Variants in C11orf16 observed in about 807,000 individuals in gnomAD.
The protein encoded by C11orf16 is uncharacterized protein C11orf16.
In C11orf16, 38 loss-of-function variants were observed where a neutral mutation model predicts 45.1. The ratio of observed to expected loss-of-function variants is 0.84; its 90% confidence interval spans 0.65 to 1.10. C11orf16 has a LOEUF of 1.10. C11orf16 is among the 50% of genes least tolerant of loss of function. The pLI is 0.00. For missense variants in C11orf16, 583 were observed against 569.5 expected (o/e 1.02, Z -0.24); for synonymous variants, 221 against 222.0 (o/e 1.00, Z 0.04).
chr11:8,926,805 C>G (rs1012673934), intron 4 of C11orf16, 135 bp downstream of exon 4: 1 of 637,742 alleles, frequency 1.6e-6, no homozygotes, highest in African/African-American at 1.8e-5. Flanking sequence ...GATTAAGCAG[C>G]AAGCAAGGGG....
chr11:8,929,991 G>A (rs1167456487), intron 2 of C11orf16, among the ~76,000 whole-genome samples: 1 of 152,018 alleles, frequency 6.6e-6, no homozygotes, highest in Non-Finnish European at 1.5e-5. Context: ...GTGGTGGTGT[G>A]AGCCTGTGAT....
chr11:8,929,814 C>G (rs773972920), intron 2 of C11orf16, among the ~76,000 whole-genome samples: 18 of 152,176 alleles, frequency 1.2e-4, no homozygotes, highest in African/African-American at 1.7e-4. Flanking sequence ...TTAATTGATG[C>G]TTGTTCCTAC....
intron 4 of C11orf16, 77 bp downstream of exon 4, chr11:8,926,863 A>T: frequency 8.4e-7 from 1 of 1,187,096 alleles, no homozygotes; most frequent in Non-Finnish European, 1.2e-6. Flanking sequence ...CTGTAGACGC[A>T]GCCTTGGCTC....
At chr11:8,921,578 TA>T in intron 5 of C11orf16, 63 bp from the exon 6 acceptor site, 1 of 1,398,138 alleles carries the variant, frequency 7.2e-7, no homozygotes, top group Non-Finnish European at 1.0e-6. Context: ...TAAGTAGAAC[TA>T]AAACAAGGAT....
chr11:8,926,138 A>G (rs2064610721), intron 4 of C11orf16, 31 bp from the exon 5 acceptor site: 2 of 1,480,100 alleles, frequency 1.4e-6, no homozygotes, highest in East Asian at 2.3e-5. Flanking sequence ...ACATTTTGTT[A>G]TAATTACCAA....
intron 3 of C11orf16, chr11:8,929,006 T>C (rs1178564802): frequency 5.0e-6 from 1 of 200,046 alleles, no homozygotes; most frequent in African/African-American, 2.3e-5. Context: ...ATCAAGGCGA[T>C]GCCTCTATAA....
chr11:8,923,411 C>A (rs1250402686), intron 5 of C11orf16, among the ~76,000 whole-genome samples: 3 of 152,216 alleles, frequency 2.0e-5, no homozygotes, highest in African/African-American at 7.2e-5. Flanking sequence ...GTAGGTACAG[C>A]TCTTCTTTCT....
rs1354452098 is a variant in C11orf16, at chr11:8,920,463, G to C, written c.*23-13C>G. 1 of 669,384 alleles carries C rather than the reference G, an allele frequency of 1.5e-6. No homozygotes were observed. Among genetic ancestry groups the C allele is most frequent in the Non-Finnish European group, 2.7e-6 (1 of 370,500 alleles). The allele number at this position is 669,384 out of a possible 1,614,324, so 41.5% of individuals were successfully genotyped here. On this transcript the variant is annotated splice_polypyrimidine_tract_variant and intron_variant, in intron 6 of 6. Transcript: ENST00000326053. ...GTTTATTCTTTACCTATAAAAGGGG[G>C]AAAAATTCCATACATTGTTATGCTG...
At chr11:8,924,990 C>T (rs192231743) in intron 5 of C11orf16, among the ~76,000 whole-genome samples, 29 of 152,340 alleles carry the variant, frequency 1.9e-4, no homozygotes, top group Non-Finnish European at 3.4e-4. Flanking sequence ...CCCGGGTCCT[C>T]CCCGCTCACT....
Position 8,925,990 on chromosome 11 carries a change from T to A in C11orf16, c.677A>T (p.His226Leu). The A allele has an allele frequency of 6.2e-7, 1 of 1,614,090 alleles. No homozygotes were observed. ...GGGGTGCTCCCTGGTGAAAGACTTGTGCAGCCTCTCCACAGCCTTCTTCCA... is the reference window on the plus strand; with the variant it reads ...GGGGTGCTCCCTGGTGAAAGACTTGAGCAGCCTCTCCACAGCCTTCTTCCA... ...TIWKKAVERL[H>L]KSFTREHPRP... The change falls in exon 5 of 7, where the codon CAC (histidine) becomes CTC (leucine). Residue 226 changes from histidine (H) to leucine (L), a missense_variant. Physicochemically the swap from His to Leu is moderately conservative, Grantham distance 99. Transcript: ENST00000326053.
chr11:8,925,456 G>T lies in C11orf16; in HGVS notation c.1204+7C>A, dbSNP rs1242965598. 2 of 1,609,312 alleles carry T rather than the reference G, an allele frequency of 1.2e-6. No individual in the cohort carries two copies. Among genetic ancestry groups the T allele is most frequent in the African/African-American group, 2.7e-5 (2 of 74,848 alleles). On this transcript the variant is annotated splice_region_variant and intron_variant, in intron 5 of 6. Transcript: ENST00000326053. Reference sequence around the variant, plus strand: ...CCTTAGAAAGCAAGCCCACTCCCCTGGTATACCTGGCTTCCCAAGGCATGG... The same window carrying T: ...CCTTAGAAAGCAAGCCCACTCCCCTTGTATACCTGGCTTCCCAAGGCATGG...
chr11:8,922,173 C>T (rs1040916794), intron 5 of C11orf16, among the ~76,000 whole-genome samples: 1 of 152,136 alleles, frequency 6.6e-6, no homozygotes, highest in African/African-American at 2.4e-5. Context: ...ACTGATAACA[C>T]AGACCACAAA....
intron 3 of C11orf16, chr11:8,929,155 C>G (rs1310850631): frequency 4.3e-6 from 2 of 459,960 alleles, no homozygotes; most frequent in East Asian, 3.6e-5. Context: ...GGAGATGACA[C>G]ATTTCTGTGG....
chr11:8,924,605 A>G (rs1356261310), intron 5 of C11orf16, among the ~76,000 whole-genome samples: 1 of 152,132 alleles, frequency 6.6e-6, no homozygotes, highest in Non-Finnish European at 1.5e-5. Context: ...TGTCCTAGAA[A>G]TAGGGCTATG....
In C11orf16 at chr11:8,926,056, T is replaced by G. The variant is rs775240365; in HGVS notation, c.611A>C (p.Lys204Thr). 5.6e-6 allele frequency: 9 copies of G among 1,613,510 alleles called. No individual in the cohort carries two copies. The East Asian group carries it at 2.0e-4, about 36-fold the overall frequency. The change falls in exon 5 of 7, where the codon AAA becomes ACA. Residue 204 changes from lysine to threonine, a missense_variant. Physicochemically the swap from Lys to Thr is moderately conservative, Grantham distance 78. Coordinates refer to ENST00000326053, the MANE Select transcript of C11orf16 (RefSeq NM_020643.3). The stretch of plus-strand genomic sequence containing the variant: ...CGACTGGACCCCACCTAGGGGCACT[T>G]TAGCAGCTTTGCCATTCCAGAAATG... Reference protein sequence around the residue: ...TVHFWNGKAAKVPLGGVQSVS... With the variant: ...TVHFWNGKAATVPLGGVQSVS...
chr11:8,920,581 G>A, intron 6 of C11orf16, 131 bp from the exon 7 acceptor site: 1 of 524,196 alleles, frequency 1.9e-6, no homozygotes, highest in Non-Finnish European at 3.4e-6. Context: ...CAACATTTTG[G>A]GAAACCAAGG....
intron 3 of C11orf16, among the ~76,000 whole-genome samples, chr11:8,928,306 T>G (rs574988620): frequency 1.5e-3 from 211 of 139,406 alleles, no homozygotes; most frequent in African/African-American, 5.0e-3. Context: ...TAAGTCTGAC[T>G]CTGAAAAAAA....
chr11:8,932,387 C>T (rs865971122), intron 1 of C11orf16, 61 bp from the exon 2 acceptor site: 32 of 1,394,638 alleles, frequency 2.3e-5, no homozygotes, highest in African/African-American at 8.6e-5. Context: ...GCCACCGGGG[C>T]GAGGCAGGGC....
chr11:8,926,946 G>A lies in C11orf16; in HGVS notation c.553C>T (p.Gln185Ter). The A allele has an allele frequency of 4.3e-6, 7 of 1,612,864 alleles. No individual in the cohort carries two copies. Among genetic ancestry groups the A allele is most frequent in the Non-Finnish European group, 5.9e-6 (7 of 1,179,622 alleles). ...TCAGAGCAGCTTCTCTTACCTCTCT[G>A]GGGATCTCTCATCTCCAAGCCCAAA... ...VLLGLEMRDP[Q>*]RASKEKEITV... The change falls in exon 4 of 7, where the codon CAG becomes TAG. Residue 185 changes from glutamine to a stop codon, truncating the protein, a stop_gained. Transcript: ENST00000326053. LOFTEE classifies it high-confidence loss of function.
Sources: gnomAD v4.1 joint callset for allele counts (sites outside exome capture counted in the v4.1 genomes callset) on GRCh38, gnomAD v4.1.1 for gene constraint, MANE v1.5 for transcripts, NCBI Gene and HGNC (gene_info 2026-07-23, HGNC 2026-07-21) for gene names.